TTC27: variants seen among roughly 807,000 people sequenced by gnomAD.
TTC27 encodes tetratricopeptide repeat protein 27.
In TTC27, 79 loss-of-function variants were observed where a neutral mutation model predicts 115.9. The ratio of observed to expected loss-of-function variants is 0.68; its 90% CI spans 0.57 to 0.82. TTC27 has a LOEUF of 0.82. TTC27 is among the 40% of genes least tolerant of loss of function. TTC27 has a pLI of 0.00. For synonymous variants in TTC27, 401 were observed against 356.0 expected (o/e 1.13, Z -1.42); for missense variants, 1,054 against 993.1 (o/e 1.06, Z -0.82).
chr2:32,714,388 G>C (rs1667688739), intron 10 of TTC27, among the ~76,000 whole-genome samples: 1 of 152,008 alleles, frequency 6.6e-6, no homozygotes, highest in African/African-American at 2.4e-5. Context: ...TCGATCTCCT[G>C]ACCTTGTGAT....
intron 9 of TTC27, among the ~76,000 whole-genome samples, chr2:32,694,701 T>C (rs1322017087): frequency 6.6e-6 from 1 of 151,548 alleles, no homozygotes. Flanking sequence ...TCCACAAGGT[T>C]TTGCTCTGTT....
At chr2:32,663,905 G>A (rs1665657554) in intron 5 of TTC27, among the ~76,000 whole-genome samples, 1 of 151,814 alleles carries the variant, frequency 6.6e-6, no homozygotes, top group Non-Finnish European at 1.5e-5. Context: ...GGCTGGTCTC[G>A]AACTCCTGAC....
rs1304734248 is a variant in TTC27 at position 32,702,822 on chromosome 2, C to T, written c.1135C>T (p.Pro379Ser). ...CTTCTATCAGTGTTTGCTTTCACAA[C>T]CAAAGTTCTGGGCCATTCAGACATC... ...LAFTSCLLSQPKFWAIQTSAL... is the reference protein window; with the variant it reads ...LAFTSCLLSQSKFWAIQTSAL... The change falls in exon 10 of 20, where the codon CCA (proline) becomes TCA (serine). Residue 379 changes from proline (P) to serine (S), a missense_variant. By Grantham distance (74) the Pro-to-Ser change is moderately conservative. Transcript: ENST00000317907. 6.2e-7 allele frequency: 1 copy of T among 1,613,296 alleles called. No homozygotes were observed. Among genetic ancestry groups the T allele is most frequent in the East Asian group, 2.2e-5 (1 of 44,838 alleles).
rs777407171 is a variant in TTC27 at position 32,787,204 on chromosome 2, A to G, written c.1998+55A>G. The G allele has an allele frequency of 7.8e-6, 12 of 1,542,058 alleles. No homozygotes were observed. In the Admixed American group the frequency reaches 8.3e-5, roughly 11 times the overall value. On this transcript the variant is annotated intron_variant, in intron 16 of 19. Coordinates refer to ENST00000317907, the MANE Select transcript of TTC27 (RefSeq NM_017735.5). ...TTGTGTTTGATACTAATCCTTGATC[A>G]TATGGTATAAATTATTTCCTTGAAT...
chr2:32,635,587 G>T (rs1664388852), intron 3 of TTC27, among the ~76,000 whole-genome samples: 1 of 152,100 alleles, frequency 6.6e-6, no homozygotes, highest in Non-Finnish European at 1.5e-5. Context: ...AGGAGGCTGA[G>T]GCAGGACAAT....
chr2:32,691,025 G>A (rs1440877211), intron 9 of TTC27, among the ~76,000 whole-genome samples: 3 of 152,154 alleles, frequency 2.0e-5, no homozygotes, highest in Non-Finnish European at 4.4e-5. Flanking sequence ...ATCTGAAAGC[G>A]CCTTCAGTGT....
chr2:32,812,417 A>G (rs1007101343), intron 17 of TTC27, 87 bp from the exon 18 acceptor site: 1 of 948,498 alleles, frequency 1.1e-6, no homozygotes, highest in East Asian at 2.5e-5. Context: ...TTCACATTGG[A>G]ATTAGTTCCA....
chr2:32,813,661 A>T (rs1370905516), intron 18 of TTC27, among the ~76,000 whole-genome samples: 1 of 152,202 alleles, frequency 6.6e-6, no homozygotes, highest in Non-Finnish European at 1.5e-5. Context: ...ACTCAAAACT[A>T]AAAAAACAAA....
At chr2:32,711,742 C>T (rs558761242) in intron 10 of TTC27, among the ~76,000 whole-genome samples, 5 of 152,140 alleles carry the variant, frequency 3.3e-5, no homozygotes, top group African/African-American at 1.2e-4. Context: ...GAGTTCAAGA[C>T]TAGCCTGGCC....
chr2:32,672,440 G>A, intron 8 of TTC27, 56 bp downstream of exon 8: 1 of 1,305,670 alleles, frequency 7.7e-7, no homozygotes, highest in Non-Finnish European at 1.1e-6. Flanking sequence ...ATTCTCTTAT[G>A]TGTGGAGAAT....
chr2:32,637,791 C>G (rs990545515), intron 3 of TTC27, among the ~76,000 whole-genome samples: 2 of 152,198 alleles, frequency 1.3e-5, no homozygotes, highest in East Asian at 1.9e-4. Context: ...CTTCTGAGTT[C>G]TCAAGTCAGT....
chr2:32,656,218 G>A (rs777242622), intron 5 of TTC27, among the ~76,000 whole-genome samples: 1 of 152,032 alleles, frequency 6.6e-6, no homozygotes, highest in East Asian at 1.9e-4. Flanking sequence ...CAGACACTGC[G>A]CTATGTGCTG....
chr2:32,711,196 A>T (rs943956368), intron 10 of TTC27, among the ~76,000 whole-genome samples: 1 of 151,284 alleles, frequency 6.6e-6, no homozygotes, highest in South Asian at 2.1e-4. Context: ...TTACCTTTGC[A>T]TTGGCCTTAC....
At chr2:32,635,564 A>G (rs781011851) in intron 3 of TTC27, among the ~76,000 whole-genome samples, 9 of 152,080 alleles carry the variant, frequency 5.9e-5, no homozygotes, top group South Asian at 2.1e-4. Context: ...CACGCTTGTA[A>G]TCCCAGCTAC....
At chr2:32,761,062 G>A (rs546439967) in intron 13 of TTC27, among the ~76,000 whole-genome samples, 1 of 152,024 alleles carries the variant, frequency 6.6e-6, no homozygotes, top group Non-Finnish European at 1.5e-5. Flanking sequence ...TGAACTCGAC[G>A]CCAGTACTTA....
chr2:32,738,213 C>T (rs1572564009), intron 12 of TTC27, among the ~76,000 whole-genome samples: 1 of 152,110 alleles, frequency 6.6e-6, no homozygotes, highest in South Asian at 2.1e-4. Flanking sequence ...TCTCTGGCTG[C>T]CGGTAGTCAA....
chr2:32,798,780 T>C (rs567873729), intron 16 of TTC27, among the ~76,000 whole-genome samples: 1 of 151,988 alleles, frequency 6.6e-6, no homozygotes, highest in South Asian at 2.1e-4. Context: ...CCTTGTGCGC[T>C]GTTGGTGGGA....
chr2:32,720,217 A>G (rs1667877996), intron 10 of TTC27, among the ~76,000 whole-genome samples: 1 of 152,126 alleles, frequency 6.6e-6, no homozygotes. Context: ...TATTAATTCT[A>G]TTATGCTCTA....
chr2:32,657,865 T>C (rs1039062282), intron 5 of TTC27, among the ~76,000 whole-genome samples: 2 of 152,196 alleles, frequency 1.3e-5, no homozygotes, highest in African/African-American at 2.4e-5. Flanking sequence ...TTCACTCTTT[T>C]TTTGCTCAGG....
Sources: allele counts gnomAD v4.1 joint callset (sites outside exome capture counted in the v4.1 genomes callset), GRCh38; gene constraint gnomAD v4.1.1; transcripts MANE v1.5; gene names NCBI Gene and HGNC (gene_info 2026-07-23, HGNC 2026-07-21).